The following DHDDS variants were observed in gnomAD, a reference collection of about 807,000 sequenced individuals.
DHDDS encodes the protein dehydrodolichyl diphosphate synthase subunit, also known as dehydrodolichyl diphosphate synthase complex subunit DHDDS.
Under a neutral mutation model 46.2 loss-of-function variants are expected in DHDDS, and 16 were observed. The observed-to-expected ratio is 0.35, with a 90% CI of 0.23 to 0.53. The LOEUF (loss-of-function observed/expected upper bound fraction) is 0.53. Ranked by LOEUF, DHDDS falls within the 20% of genes least tolerant of loss-of-function variation. The pLI is 0.94. For synonymous variants in DHDDS, 151 were observed against 163.1 expected (o/e 0.93, Z 0.56); for missense variants, 340 against 423.7 (o/e 0.80, Z 1.73).
intron 3 of DHDDS, among the ~76,000 whole-genome samples, chr1:26,439,867 G>A (rs1259103753): frequency 1.3e-5 from 2 of 152,248 alleles, no homozygotes; most frequent in African/African-American, 2.4e-5. Context: ...AGGGCCGGGC[G>A]CGGTGGCTTA....
At chr1:26,468,771 A>T in intron 8 of DHDDS, 124 bp from the exon 9 acceptor site, 1 of 1,336,872 alleles carries the variant, frequency 7.5e-7, no homozygotes, top group Non-Finnish European at 1.0e-6. Flanking sequence ...CAAATCTGGT[A>T]CCTACTTTCC....
chr1:26,460,000 T>C, intron 7 of DHDDS, 37 bp from the exon 8 acceptor site: 1 of 1,547,780 alleles, frequency 6.5e-7, no homozygotes, highest in Non-Finnish European at 8.9e-7. Context: ...CCCAGCAACA[T>C]GTTACTAAAT....
chr1:26,449,496 G>T (rs1226511830), intron 6 of DHDDS, among the ~76,000 whole-genome samples: 1 of 152,070 alleles, frequency 6.6e-6, no homozygotes, highest in Non-Finnish European at 1.5e-5. Flanking sequence ...TGCCTCCCGG[G>T]CCCAAGCAGT....
In DHDDS at chr1:26,447,090, C is replaced by A. The variant is rs192465466; in HGVS notation, c.441-469C>A. On this transcript the variant is annotated intron_variant, in intron 5 of 8. Coordinates refer to ENST00000236342, the MANE Select transcript of DHDDS (RefSeq NM_205861.3). ...AGTGGCTCACGCCTGTCATCCTAGG[C>A]AGGTGGATCACCTGAAGTCAGGAGT... Among the ~76,000 whole-genome samples the A allele has an allele frequency of 3.1e-3, 468 of 152,218 alleles. 2 individuals carry two copies. The highest frequency in any genetic ancestry group is 0.011 in the African/African-American group (447 of 41,542).
intron 6 of DHDDS, among the ~76,000 whole-genome samples, chr1:26,456,477 C>A (rs2075371439): frequency 6.6e-6 from 1 of 152,166 alleles, no homozygotes; most frequent in Non-Finnish European, 1.5e-5. Flanking sequence ...ACTGTAACCT[C>A]CACCTCCTGG....
intron 1 of DHDDS, 53 bp downstream of exon 1, chr1:26,432,429 G>T: frequency 5.9e-6 from 1 of 168,124 alleles, no homozygotes; most frequent in East Asian, 1.7e-4. Flanking sequence ...ACTGGGCGGG[G>T]AGCAGCTGCG....
At chr1:26,453,377 G>C (rs998226646) in intron 6 of DHDDS, among the ~76,000 whole-genome samples, 3 of 152,062 alleles carry the variant, frequency 2.0e-5, no homozygotes, top group African/African-American at 7.2e-5. Flanking sequence ...ATCTTTGACT[G>C]AACTTGCCTG....
At position 26,469,254 on chromosome 1, in the gene DHDDS, G is replaced by C. The variant is rs187250338; in HGVS notation, c.*123G>C. ...AATGGTGTTCCCTTTGCTTGGCTGG[G>C]GAGCCCCCCAGGCCAGGTTTGCTGG... On this transcript the variant is annotated 3_prime_UTR_variant, in exon 9 of 9. Coordinates refer to ENST00000236342, the MANE Select transcript of DHDDS (RefSeq NM_205861.3). 1 of 1,575,854 alleles carries C rather than the reference G, an allele frequency of 6.3e-7. No individual in the cohort carries two copies. Among genetic ancestry groups the C allele is most frequent in the East Asian group, 2.3e-5 (1 of 44,006 alleles).
intron 7 of DHDDS, 100 bp from the exon 8 acceptor site, chr1:26,459,937 T>C (rs2075405627): frequency 1.1e-6 from 1 of 940,028 alleles, no homozygotes; most frequent in Admixed American, 1.7e-5. Flanking sequence ...ATCTCTGGGC[T>C]TCTGGGTCCT....
In DHDDS at chr1:26,469,195, T is replaced by A; in HGVS notation, c.*64T>A. The A allele has an allele frequency of 6.2e-7, 1 of 1,607,600 alleles. No individual in the cohort carries two copies. The highest frequency in any genetic ancestry group is 8.5e-7 in the Non-Finnish European group (1 of 1,179,956). ...CTCCAGGGCTCCACTCCCCTTCCTTTTCTTGGTGAAAGGCACCTCCTTTCC... is the reference window on the plus strand; with the variant it reads ...CTCCAGGGCTCCACTCCCCTTCCTTATCTTGGTGAAAGGCACCTCCTTTCC... On this transcript the variant is annotated 3_prime_UTR_variant, in exon 9 of 9. Transcript: ENST00000236342.
chr1:26,468,754 G>A, intron 8 of DHDDS, 141 bp from the exon 9 acceptor site: 1 of 1,204,926 alleles, frequency 8.3e-7, no homozygotes, highest in Non-Finnish European at 1.2e-6. Context: ...CTACTCCCAA[G>A]CCTTTTCAAA....
intron 3 of DHDDS, among the ~76,000 whole-genome samples, chr1:26,439,869 G>A (rs530539010): frequency 3.3e-5 from 5 of 152,224 alleles, no homozygotes; most frequent in Non-Finnish European, 5.9e-5. Flanking sequence ...GGCCGGGCGC[G>A]GTGGCTTACG....
chr1:26,436,434 TTTG>T (rs869298989), intron 2 of DHDDS, among the ~76,000 whole-genome samples: 1 of 150,502 alleles, frequency 6.6e-6, no homozygotes, highest in Non-Finnish European at 1.5e-5. Flanking sequence ...TGTTTGTTTG[TTTG>T]TTTTGAGACA....
At chr1:26,435,556 G>A (rs2075145876) in intron 2 of DHDDS, among the ~76,000 whole-genome samples, 1 of 147,646 alleles carries the variant, frequency 6.8e-6, no homozygotes, top group South Asian at 2.2e-4. Flanking sequence ...TCCTGCTTCA[G>A]CCTCCTAAGT....
At position 26,446,340 on chromosome 1, in the gene DHDDS, G is replaced by A. The variant is rs2124425536; in HGVS notation, c.348G>A (p.Val116=). ...GGGAGAAACTGCAGAAGCATGGGGT[G>A]TGTATCCGGGTCCTGGGCGATCTGC... ...EEKEKLQKHG[V]CIRVLGDLHL... The change falls in exon 5 of 9, where the codon GTG becomes GTA. Residue 116 remains valine, a synonymous_variant. Transcript: ENST00000236342. 1 of 1,614,058 alleles carries A rather than the reference G, an allele frequency of 6.2e-7. No homozygotes were observed. Among genetic ancestry groups the A allele is most frequent in the South Asian group, 1.1e-5 (1 of 91,076 alleles).
intron 6 of DHDDS, among the ~76,000 whole-genome samples, chr1:26,453,228 C>T (rs190417083): frequency 3.3e-5 from 5 of 152,124 alleles, no homozygotes; most frequent in Middle Eastern, 3.4e-3. Flanking sequence ...TTTCATGACC[C>T]GTGTTTTTAA....
chr1:26,446,484 C>A, intron 5 of DHDDS, 52 bp downstream of exon 5: 2 of 1,559,950 alleles, frequency 1.3e-6, no homozygotes, highest in Non-Finnish European at 1.8e-6. Flanking sequence ...TGATTCCCTG[C>A]TGGCTTTAGG....
chr1:26,439,960 G>GA (rs910824657), intron 3 of DHDDS, among the ~76,000 whole-genome samples: 1 of 147,340 alleles, frequency 6.8e-6, no homozygotes, highest in Non-Finnish European at 1.5e-5. Context: ...CTAACACGGT[G>GA]AAACCCCATC....
At chr1:26,432,625 T>C (rs2075115367) in intron 1 of DHDDS, 1 of 392,388 alleles carries the variant, frequency 2.5e-6, no homozygotes, top group Admixed American at 3.9e-5. Context: ...GGAAACCGAC[T>C]TAGATGTTCA....
Sources: allele counts gnomAD v4.1 joint callset (sites outside exome capture counted in the v4.1 genomes callset), GRCh38; gene constraint gnomAD v4.1.1; transcripts MANE v1.5; gene names NCBI Gene and HGNC (gene_info 2026-07-23, HGNC 2026-07-21).